The following GEMIN8 variants were observed in gnomAD, a reference collection of about 807,000 sequenced individuals.
GEMIN8 encodes the protein gem-associated protein 8.
For synonymous variants in GEMIN8, 80 were observed against 78.5 expected (o/e 1.02, Z -0.10); for missense variants, 185 against 205.9 (o/e 0.90, Z 0.62).
chrX:14,008,150 T>C lies in GEMIN8; in HGVS notation c.*763A>G, dbSNP rs758284449. On this transcript the variant is annotated 3_prime_UTR_variant, in exon 5 of 5. Coordinates refer to ENST00000680255, the MANE Select transcript of GEMIN8 (RefSeq NM_001042479.2). ...ACACACCACCATGCCCGGCTCATTTTTTGTATTTTAGTAGCGACGGGTTTC... is the reference window on the plus strand; with the variant it reads ...ACACACCACCATGCCCGGCTCATTTCTTGTATTTTAGTAGCGACGGGTTTC... 1 of 110,677 alleles carries C rather than the reference T, an allele frequency of 9.0e-6. No individual in the cohort carries two copies. The highest frequency in any genetic ancestry group is 4.0e-4 in the South Asian group (1 of 2,528). 9.1% of individuals were successfully genotyped at this position (110,677 alleles called of 1,213,427 possible).
At chrX:14,001,999 T>C (rs1922985899), downstream of GEMIN8, among the ~76,000 whole-genome samples, 2 of 102,379 alleles carry the variant, frequency 2.0e-5, no homozygotes. Context: ...TAGGCACCTC[T>C]AATCCCAGCT....
chrX:14,016,866 AATATAT>A lies in GEMIN8; in HGVS notation c.472+3206_472+3211del, dbSNP rs61127994. ...TCTCAAAAAAAAAAAAAAAAAAAAAAATATATATATATATATATATATATATGTACA... is the reference window on the plus strand; with the variant it reads ...TCTCAAAAAAAAAAAAAAAAAAAAAAATATATATATATATATATATGTACA... On this transcript the variant is annotated intron_variant, in intron 4 of 4. Coordinates refer to ENST00000680255, the MANE Select transcript of GEMIN8 (RefSeq NM_001042479.2). Among the ~76,000 whole-genome samples, 236 of 57,151 alleles carry A rather than the reference AATATAT, an allele frequency of 4.1e-3. 6 individuals carry two copies. Among genetic ancestry groups the A allele is most frequent in the African/African-American group, 0.016 (200 of 12,809 alleles). 49.6% of individuals were successfully genotyped at this position (57,151 alleles called of 115,157 possible). A position where few individuals can be genotyped will look rare whatever the true frequency, so the allele number is the denominator to read the frequency against.
intron 1 of GEMIN8, among the ~76,000 whole-genome samples, chrX:14,028,154 C>T (rs1416948139): frequency 8.9e-6 from 1 of 112,215 alleles, no homozygotes; most frequent in Non-Finnish European, 1.9e-5. Context: ...GCCTCATTTA[C>T]TTGGGCACTT....
intron 4 of GEMIN8, among the ~76,000 whole-genome samples, chrX:14,016,516 G>C (rs1444343933): frequency 4.5e-5 from 5 of 110,639 alleles, no homozygotes; most frequent in Non-Finnish European, 5.7e-5. Context: ...GCAGAAATAT[G>C]ACCTTTCTGA....
chrX:13,999,612 T>C, the GEMIN8 span, among the ~76,000 whole-genome samples: 4 of 111,523 alleles, frequency 3.6e-5, no homozygotes, highest in African/African-American at 9.8e-5. Flanking sequence ...TCCACTAATA[T>C]CCTTTTTCTG....
intron 2 of GEMIN8, 23 bp downstream of exon 2, chrX:14,026,117 T>C: frequency 2.7e-6 from 2 of 745,953 alleles, no homozygotes; most frequent in South Asian, 1.4e-4. Flanking sequence ...TAATGGTCTT[T>C]AATTCGATCT....
the GEMIN8 span, among the ~76,000 whole-genome samples, chrX:14,000,102 T>A: frequency 9.3e-6 from 1 of 107,864 alleles, no homozygotes; most frequent in Non-Finnish European, 1.9e-5. Flanking sequence ...CCCAGGAGTT[T>A]GAGATCCACC....
the GEMIN8 span, among the ~76,000 whole-genome samples, chrX:13,994,276 T>A: frequency 9.0e-6 from 1 of 111,544 alleles, no homozygotes; most frequent in Non-Finnish European, 1.9e-5. Context: ...TGCCTTGCAC[T>A]GTTCTCTCTT....
intron 4 of GEMIN8, among the ~76,000 whole-genome samples, chrX:14,013,506 T>C (rs1923703656): frequency 1.8e-5 from 2 of 112,324 alleles, no homozygotes. Flanking sequence ...TGACCTTATT[T>C]GGAAATAGGG....
chrX:13,994,842 G>A, the GEMIN8 span, among the ~76,000 whole-genome samples: 1 of 112,305 alleles, frequency 8.9e-6, no homozygotes, highest in Non-Finnish European at 1.9e-5. Flanking sequence ...CAAACCACAC[G>A]ATTTCTGCAT....
intron 2 of GEMIN8, 126 bp from the exon 3 acceptor site, chrX:14,021,637 G>A (rs1446308415): frequency 4.3e-6 from 2 of 465,090 alleles, no homozygotes; most frequent in Non-Finnish European, 7.5e-6. Flanking sequence ...CTGATTTCAT[G>A]CAACCTATCT....
At chrX:14,016,053 T>A (rs1923879238) in intron 4 of GEMIN8, among the ~76,000 whole-genome samples, 1 of 111,933 alleles carries the variant, frequency 8.9e-6, no homozygotes, top group Admixed American at 9.5e-5. Flanking sequence ...GCTAGTGATC[T>A]ATTGCCCATT....
intron 1 of GEMIN8, among the ~76,000 whole-genome samples, chrX:14,028,145 C>A (rs1877529767): frequency 8.9e-6 from 1 of 112,174 alleles, no homozygotes; most frequent in Admixed American, 9.4e-5. Context: ...ACTCACTATG[C>A]CTCATTTACT....
intron 4 of GEMIN8, among the ~76,000 whole-genome samples, chrX:14,018,896 G>A (rs1348162441): frequency 9.2e-6 from 1 of 108,754 alleles, no homozygotes; most frequent in Admixed American, 9.9e-5. Flanking sequence ...GGGACTACAG[G>A]TGTGAGCCAC....
At chrX:14,013,745 T>C (rs1179394556) in intron 4 of GEMIN8, among the ~76,000 whole-genome samples, 2 of 109,768 alleles carry the variant, frequency 1.8e-5, no homozygotes, top group Admixed American at 9.7e-5. Context: ...GGGCGTGTGG[T>C]CCTGTTGACC....
chrX:14,019,468 A>G (rs1924152365), intron 4 of GEMIN8, among the ~76,000 whole-genome samples: 1 of 112,112 alleles, frequency 8.9e-6, no homozygotes, highest in South Asian at 3.7e-4. Context: ...TGTAAGTGCC[A>G]GGCATTTCGT....
At chrX:14,017,428 T>A (rs1924008719) in intron 4 of GEMIN8, among the ~76,000 whole-genome samples, 1 of 112,262 alleles carries the variant, frequency 8.9e-6, no homozygotes, top group Admixed American at 9.4e-5. Context: ...GAACTGTGGG[T>A]TTACTTTATG....
the GEMIN8 span, among the ~76,000 whole-genome samples, chrX:13,994,228 G>A: frequency 8.9e-6 from 1 of 111,868 alleles, no homozygotes; most frequent in East Asian, 2.8e-4. Context: ...GCTGGCAGAC[G>A]GATCTCCATT....
At chrX:13,999,574 C>T in the GEMIN8 span, among the ~76,000 whole-genome samples, 1 of 111,798 alleles carries the variant, frequency 8.9e-6, no homozygotes, top group Non-Finnish European at 1.9e-5. Context: ...CTGCGCCCGG[C>T]CGGCTGTATC....
Sources: gnomAD v4.1 joint callset for allele counts (sites outside exome capture counted in the v4.1 genomes callset) on GRCh38, gnomAD v4.1.1 for gene constraint, MANE v1.5 for transcripts, NCBI Gene and HGNC (gene_info 2026-07-23, HGNC 2026-07-21) for gene names.